Variants in SLIT2 observed in about 807,000 individuals in gnomAD.
SLIT2 encodes the protein slit homolog 2 protein.
SLIT2 carries 41 observed loss-of-function variants against 185.7 expected under a neutral mutation model. That is an observed-to-expected ratio of 0.22 (90% CI 0.17 to 0.29). The LOEUF (loss-of-function observed/expected upper bound fraction) is 0.29, where lower values mean the gene tolerates loss of function less well. Among genes scored for constraint, SLIT2 ranks in the 10% least tolerant of loss-of-function variants. The pLI is 1.00. For synonymous variants in SLIT2, 693 were observed against 680.2 expected (o/e 1.02, Z -0.29); for missense variants, 1,571 against 1,909.0 (o/e 0.82, Z 3.30).
At chr4:20,336,701 A>C (rs530974722) in intron 4 of SLIT2, among the ~76,000 whole-genome samples, 6 of 152,278 alleles carry the variant, frequency 3.9e-5, no homozygotes, top group East Asian at 1.9e-4. Context: ...AAGAAAAAAA[A>C]CTGAAATATG....
chr4:20,550,791 T>C (rs961281738), intron 24 of SLIT2, 36 bp from the exon 25 acceptor site: 17 of 1,330,142 alleles, frequency 1.3e-5, no homozygotes, highest in Non-Finnish European at 1.8e-5. Context: ...AGTTCAGAAA[T>C]ATAGGAAGTT....
At chr4:20,588,815 G>A (rs150084484) in intron 29 of SLIT2, among the ~76,000 whole-genome samples, 1 of 152,226 alleles carries the variant, frequency 6.6e-6, no homozygotes, top group East Asian at 1.9e-4. Context: ...GCGTGGTTAT[G>A]CCTTCAGCTC....
intron 4 of SLIT2, among the ~76,000 whole-genome samples, chr4:20,421,543 C>G (rs1728175718): frequency 6.6e-6 from 1 of 152,088 alleles, no homozygotes; most frequent in Admixed American, 6.6e-5. Context: ...AAGCATGGAT[C>G]AGATTTTCTT....
At chr4:20,363,979 A>G (rs967006011) in intron 4 of SLIT2, among the ~76,000 whole-genome samples, 1 of 152,134 alleles carries the variant, frequency 6.6e-6, no homozygotes, top group Non-Finnish European at 1.5e-5. Flanking sequence ...CTAAGTTTCT[A>G]TTTTAAGTCA....
chr4:20,511,070 C>A lies in SLIT2; in HGVS notation c.991C>A (p.Leu331Met), dbSNP rs765352690. The part of the protein sequence containing the change: ...SPYKKLRRID[L>M]SNNQISELAP... ...TAACCCTATTTCTAATCTTAGTGAC[C>A]TGAGCAATAATCAGATCTCTGAACT... The change falls in exon 11 of 37, where the codon CTG (leucine) becomes ATG (methionine). Residue 331 changes from leucine to methionine, a missense_variant. Leu to Met is a conservative substitution (Grantham distance 15). This residue lies in a region of SLIT2 where 1,202 missense variants were observed against 1,416.4 expected (regional missense o/e 0.85). Coordinates refer to ENST00000504154, the MANE Select transcript of SLIT2 (RefSeq NM_004787.4). 6.3e-7 allele frequency: 1 copy of A among 1,594,936 alleles called. No individual in the cohort carries two copies. The highest frequency in any genetic ancestry group is 2.2e-5 in the East Asian group (1 of 44,704).
chr4:20,585,833 T>C (rs927201119), intron 29 of SLIT2, among the ~76,000 whole-genome samples: 1 of 152,186 alleles, frequency 6.6e-6, no homozygotes, highest in Admixed American at 6.5e-5. Context: ...TTTATTATTT[T>C]TCCACTAACT....
chr4:20,504,181 T>C (rs533236416), intron 9 of SLIT2, among the ~76,000 whole-genome samples: 1 of 152,280 alleles, frequency 6.6e-6, no homozygotes, highest in Admixed American at 6.5e-5. Flanking sequence ...AAAGGAATAT[T>C]GTCTTCCTCC....
chr4:20,558,627 A>G (rs1724454171), intron 26 of SLIT2, among the ~76,000 whole-genome samples: 1 of 152,058 alleles, frequency 6.6e-6, no homozygotes, highest in Admixed American at 6.6e-5. Context: ...GTCTGCCTGT[A>G]CATACATTCA....
intron 3 of SLIT2, among the ~76,000 whole-genome samples, chr4:20,260,215 T>C (rs1259652243): frequency 3.3e-5 from 5 of 151,820 alleles, no homozygotes; most frequent in Non-Finnish European, 7.4e-5. Context: ...TTTTAGTCAG[T>C]GTCATTAACA....
intron 4 of SLIT2, among the ~76,000 whole-genome samples, chr4:20,402,443 G>C (rs1726434961): frequency 6.6e-6 from 1 of 151,798 alleles, no homozygotes; most frequent in South Asian, 2.1e-4. Flanking sequence ...TAAAAAACCA[G>C]CTCTTGAAAA....
intron 4 of SLIT2, among the ~76,000 whole-genome samples, chr4:20,362,386 A>G (rs1722809341): frequency 6.6e-6 from 1 of 152,118 alleles, no homozygotes; most frequent in South Asian, 2.1e-4. Context: ...GCAGGCTCTC[A>G]GTGCGTCAAC....
chr4:20,432,606 C>T (rs1017728643), intron 4 of SLIT2, among the ~76,000 whole-genome samples: 3 of 151,058 alleles, frequency 2.0e-5, no homozygotes, highest in African/African-American at 4.9e-5. Context: ...AGGTGTTGTT[C>T]CTGGACCCTG....
chr4:20,297,724 G>A (rs1227795238), intron 4 of SLIT2, among the ~76,000 whole-genome samples: 1 of 152,068 alleles, frequency 6.6e-6, no homozygotes, highest in Non-Finnish European at 1.5e-5. Flanking sequence ...TGATATATTT[G>A]TGTAAATCAT....
At chr4:20,490,457 A>G (rs1022281719) in intron 8 of SLIT2, among the ~76,000 whole-genome samples, 9 of 145,736 alleles carry the variant, frequency 6.2e-5, no homozygotes, top group Non-Finnish European at 7.7e-5. Context: ...GTGTGTGTGT[A>G]TATATATATA....
At chr4:20,426,240 G>C (rs1040914101) in intron 4 of SLIT2, among the ~76,000 whole-genome samples, 17 of 152,178 alleles carry the variant, frequency 1.1e-4, no homozygotes, top group African/African-American at 4.1e-4. Context: ...ATATCACCAG[G>C]ACTGCTGGCA....
At position 20,604,877 on chromosome 4, in the gene SLIT2, C is replaced by T. The variant is rs528997346; in HGVS notation, c.3693-5136C>T. On this transcript the variant is annotated intron_variant, in intron 33 of 36. Coordinates refer to ENST00000504154, the MANE Select transcript of SLIT2 (RefSeq NM_004787.4). ...TTTAGATGGAGTATTGCTCTGTCGC[C>T]CAGGCTAGAGGGCAGTGGCACAATC... is the stretch of plus-strand genomic sequence containing the variant. 4.0e-5 allele frequency among the ~76,000 whole-genome samples: 6 copies of T among 151,732 alleles called. No homozygotes were observed. In the East Asian group the frequency reaches 1.2e-3, roughly 30 times the overall value.
intron 11 of SLIT2, among the ~76,000 whole-genome samples, chr4:20,513,655 A>G (rs536493125): frequency 3.3e-4 from 50 of 152,302 alleles, no homozygotes; most frequent in African/African-American, 1.0e-3. Context: ...AAATTTACCT[A>G]TATTTATAGT....
chr4:20,496,407 G>T (rs1406488234), intron 9 of SLIT2, among the ~76,000 whole-genome samples: 2 of 152,194 alleles, frequency 1.3e-5, no homozygotes, highest in Admixed American at 1.3e-4. Flanking sequence ...CGCAATGTTG[G>T]CTTGTGCACA....
At position 20,472,162 on chromosome 4, in the gene SLIT2, T is replaced by A. The variant is rs190292378; in HGVS notation, c.467+4339T>A. On this transcript the variant is annotated intron_variant, in intron 5 of 36. Coordinates refer to ENST00000504154, the MANE Select transcript of SLIT2 (RefSeq NM_004787.4). ...TTGATAGCATATCATTATCAACTGA[T>A]GCTTTGCCAAAATGTAACCAATATT... Among the ~76,000 whole-genome samples the A allele has an allele frequency of 2.7e-3, 401 of 146,594 alleles. 2 individuals are homozygous for A. Among genetic ancestry groups the A allele is most frequent in the African/African-American group, 9.1e-3 (363 of 39,762 alleles).
Sources: allele counts gnomAD v4.1 joint callset (sites outside exome capture counted in the v4.1 genomes callset), GRCh38; gene constraint gnomAD v4.1.1; regional missense constraint gnomAD v4.1.1; transcripts MANE v1.5; gene names NCBI Gene and HGNC (gene_info 2026-07-23, HGNC 2026-07-21).